The following ELAPOR2 variants were observed in gnomAD, a reference collection of about 807,000 sequenced individuals.
ELAPOR2 encodes endosome/lysosome-associated apoptosis and autophagy regulator family member 2.
In ELAPOR2, 89 loss-of-function variants were observed where a neutral mutation model predicts 120.7. The observed-to-expected ratio is 0.74, with a 90% CI of 0.62 to 0.88. The LOEUF (loss-of-function observed/expected upper bound fraction) is 0.88, where lower values mean the gene tolerates loss of function less well. ELAPOR2 is among the 40% of genes least tolerant of loss of function. ELAPOR2 has a pLI of 0.00. For missense variants in ELAPOR2, 1,134 were observed against 1,251.6 expected, an observed-to-expected ratio of 0.91 and a Z score of 1.42; for synonymous variants, 444 against 444.9, an observed-to-expected ratio of 1.00 and a Z score of 0.03.
intron 1 of ELAPOR2, among the ~76,000 whole-genome samples, chr7:87,047,134 T>C (rs551315154): frequency 1.4e-4 from 21 of 152,280 alleles, no homozygotes; most frequent in African/African-American, 4.6e-4. Context: ...TAGACATCCA[T>C]ATGCACAAGA....
intron 1 of ELAPOR2, among the ~76,000 whole-genome samples, chr7:87,024,591 G>T (rs193016991): frequency 7.2e-5 from 11 of 152,232 alleles, no homozygotes; most frequent in African/African-American, 2.4e-4. Flanking sequence ...AATGAGTTAG[G>T]GAGGATTCCC....
At chr7:86,932,398 A>G (rs982863918) in intron 8 of ELAPOR2, among the ~76,000 whole-genome samples, 1 of 151,892 alleles carries the variant, frequency 6.6e-6, no homozygotes, top group African/African-American at 2.4e-5. Context: ...TTTCTGAAAC[A>G]TATTTTTAAA....
chr7:86,980,389 T>G (rs1448386975), intron 1 of ELAPOR2, among the ~76,000 whole-genome samples: 1 of 152,154 alleles, frequency 6.6e-6, no homozygotes, highest in Non-Finnish European at 1.5e-5. Context: ...TTGAGGCAGT[T>G]CCCTCTTTTA....
At chr7:86,978,648 T>G (rs961815228) in intron 1 of ELAPOR2, among the ~76,000 whole-genome samples, 1 of 152,186 alleles carries the variant, frequency 6.6e-6, no homozygotes, top group Admixed American at 6.5e-5. Context: ...TTGATTATCA[T>G]CCCAGCACCA....
intron 1 of ELAPOR2, among the ~76,000 whole-genome samples, chr7:86,966,916 C>A (rs1054804374): frequency 1.3e-5 from 2 of 152,112 alleles, no homozygotes; most frequent in Non-Finnish European, 2.9e-5. Context: ...CTTGTGATAG[C>A]ATTTAGGGCC....
chr7:87,016,552 G>A (rs574812878), intron 1 of ELAPOR2, among the ~76,000 whole-genome samples: 1 of 151,640 alleles, frequency 6.6e-6, no homozygotes, highest in Admixed American at 6.6e-5. Context: ...AAAGAGCAAT[G>A]CCCCAAAAAT....
intron 1 of ELAPOR2, among the ~76,000 whole-genome samples, chr7:86,982,474 G>A (rs1037857299): frequency 1.3e-5 from 2 of 152,202 alleles, no homozygotes; most frequent in Non-Finnish European, 2.9e-5. Context: ...GGAAGGATCA[G>A]GCAGCAATAT....
At chr7:86,893,862 G>C (rs1788311317) in intron 19 of ELAPOR2, among the ~76,000 whole-genome samples, 1 of 151,938 alleles carries the variant, frequency 6.6e-6, no homozygotes, top group South Asian at 2.1e-4. Context: ...GATCAAATAG[G>C]CAGATCAAAA....
At chr7:86,939,036 T>G in intron 6 of ELAPOR2, 76 bp from the exon 7 acceptor site, 12 of 1,491,444 alleles carry the variant, frequency 8.0e-6, no homozygotes, top group African/African-American at 1.4e-5. Context: ...CTTCTGCTTC[T>G]ACCCAGAAGT....
intron 1 of ELAPOR2, among the ~76,000 whole-genome samples, chr7:87,004,285 G>T: frequency 6.6e-6 from 1 of 152,174 alleles, no homozygotes. Context: ...CAAAATAGCC[G>T]CAGGCTAAAG....
intron 1 of ELAPOR2, among the ~76,000 whole-genome samples, chr7:87,002,979 G>C (rs538200906): frequency 6.6e-6 from 1 of 152,184 alleles, no homozygotes; most frequent in African/African-American, 2.4e-5. Context: ...AGGATGAATG[G>C]CGCTCCTAAG....
At chr7:86,987,235 TAAAAA>T (rs1792777081) in intron 1 of ELAPOR2, among the ~76,000 whole-genome samples, 1 of 152,102 alleles carries the variant, frequency 6.6e-6, no homozygotes, top group South Asian at 2.1e-4. Flanking sequence ...TCTAAAACCA[TAAAAA>T]CCCTAGAAGA....
At chr7:86,943,688 C>T (rs1207598753) in intron 4 of ELAPOR2, among the ~76,000 whole-genome samples, 1 of 152,016 alleles carries the variant, frequency 6.6e-6, no homozygotes, top group Non-Finnish European at 1.5e-5. Flanking sequence ...TAGATAACTG[C>T]TTTGCTTCTT....
intron 1 of ELAPOR2, among the ~76,000 whole-genome samples, chr7:86,987,963 A>T (rs1198822407): frequency 2.0e-5 from 3 of 152,196 alleles, no homozygotes; most frequent in Non-Finnish European, 4.4e-5. Context: ...TCCATCAATG[A>T]TAGACTGGAT....
At chr7:86,905,965 A>C (rs1788992070) in intron 18 of ELAPOR2, among the ~76,000 whole-genome samples, 1 of 152,154 alleles carries the variant, frequency 6.6e-6, no homozygotes, top group Admixed American at 6.6e-5. Context: ...TTTCCTTATT[A>C]CAATTAAAGC....
At chr7:87,040,754 C>G (rs1794757187) in intron 1 of ELAPOR2, among the ~76,000 whole-genome samples, 1 of 152,246 alleles carries the variant, frequency 6.6e-6, no homozygotes, top group Admixed American at 6.5e-5. Flanking sequence ...CGGAACAAAG[C>G]TGGATGGAGA....
intron 7 of ELAPOR2, 132 bp from the exon 8 acceptor site, chr7:86,938,346 C>T: frequency 1.6e-6 from 1 of 631,206 alleles, no homozygotes; most frequent in Non-Finnish European, 2.8e-6. Flanking sequence ...GTAGAACTAC[C>T]TAGGTCTAAA....
chr7:86,959,418 A>G (rs1245258730), intron 2 of ELAPOR2, among the ~76,000 whole-genome samples: 3 of 152,220 alleles, frequency 2.0e-5, no homozygotes, highest in Admixed American at 6.5e-5. Context: ...TAGAAAAAAA[A>G]GCTTTCAGTT....
chr7:86,957,942 A>T (rs1438931523), intron 2 of ELAPOR2, among the ~76,000 whole-genome samples: 2 of 152,232 alleles, frequency 1.3e-5, no homozygotes, highest in African/African-American at 4.8e-5. Context: ...TCAATTAAAA[A>T]TGACCCACAA....
Sources: allele counts gnomAD v4.1 joint callset (sites outside exome capture counted in the v4.1 genomes callset), GRCh38; gene constraint gnomAD v4.1.1; transcripts MANE v1.5; gene names NCBI Gene and HGNC (gene_info 2026-07-23, HGNC 2026-07-21).